Variants in CTNND2 observed in about 807,000 individuals in gnomAD.
CTNND2 encodes the protein catenin delta 2.
Under a neutral mutation model 144.4 loss-of-function variants are expected in CTNND2, and 22 were observed. The ratio of observed to expected loss-of-function variants is 0.15; its 90% CI spans 0.11 to 0.22. CTNND2 has a LOEUF of 0.22. Among genes scored for constraint, CTNND2 ranks in the 10% least tolerant of loss-of-function variants. The probability of loss-of-function intolerance (pLI) is 1.00; values close to 1 mark genes in which losing one functional copy is unlikely to be tolerated. For missense variants in CTNND2, 1,353 were observed against 1,618.8 expected (o/e 0.84, Z 2.82); for synonymous variants, 751 against 695.6 (o/e 1.08, Z -1.25).
chr5:11,582,525 A>T (rs983364218), intron 2 of CTNND2, among the ~76,000 whole-genome samples: 4 of 152,232 alleles, frequency 2.6e-5, no homozygotes, highest in Admixed American at 6.5e-5. Flanking sequence ...AGCATCAAGC[A>T]CAGTGAAGTA....
At chr5:11,122,875 A>G (rs1754285486) in intron 12 of CTNND2, among the ~76,000 whole-genome samples, 1 of 152,124 alleles carries the variant, frequency 6.6e-6, no homozygotes, top group Admixed American at 6.5e-5. Flanking sequence ...CCGGGGAGGC[A>G]GAAGACACCA....
intron 2 of CTNND2, among the ~76,000 whole-genome samples, chr5:11,730,978 C>T (rs1312243400): frequency 6.6e-6 from 1 of 152,106 alleles, no homozygotes; most frequent in East Asian, 1.9e-4. Context: ...CTTGGTGGTC[C>T]CTTTTTCCAT....
chr5:11,384,705 C>T lies in CTNND2; in HGVS notation c.1137G>A (p.Leu379=). The T allele has an allele frequency of 6.2e-7, 1 of 1,609,734 alleles. No homozygotes were observed. Among genetic ancestry groups the T allele is most frequent in the Non-Finnish European group, 8.5e-7 (1 of 1,179,124 alleles). Residue 379 remains leucine, a synonymous_variant, in exon 7 of 22, where the codon CTG becomes CTA. Transcript: ENST00000304623. The surrounding 1 kb of genome is among the most constrained non-coding windows in gnomAD (Gnocchi z 5.2). ...SEQYSKHSQE[L]YATATLQRPG... ...GCCTCTGGAGGGTGGCCGTGGCATA[C>T]AGCTCCTGCGAGTGCTTGCTGTACT...
chr5:11,134,491 T>C (rs550151334), intron 12 of CTNND2, among the ~76,000 whole-genome samples: 3 of 152,326 alleles, frequency 2.0e-5, no homozygotes, highest in Non-Finnish European at 2.9e-5. Context: ...TTGTGGTAAT[T>C]TGTTATGGTA....
At chr5:11,501,325 T>A (rs1034864645) in intron 3 of CTNND2, among the ~76,000 whole-genome samples, 1 of 152,166 alleles carries the variant, frequency 6.6e-6, no homozygotes, top group African/African-American at 2.4e-5. Flanking sequence ...CAGGATTATC[T>A]CTCTCCAGAT....
At position 11,364,643 on chromosome 5, in the gene CTNND2, C is replaced by T. The variant is rs146436334; in HGVS notation, c.1372+53G>A. ...TTTGGGAGTGTTATTGAAGCTCCCGCGCAGAGCCCACCCCCTGTGGACAGG... is the reference window on the plus strand; with the variant it reads ...TTTGGGAGTGTTATTGAAGCTCCCGTGCAGAGCCCACCCCCTGTGGACAGG... On this transcript the variant is annotated intron_variant, in intron 8 of 21. Coordinates refer to ENST00000304623, the MANE Select transcript of CTNND2 (RefSeq NM_001332.4). The T allele has an allele frequency of 7.9e-4, 1,161 of 1,473,268 alleles. 5 individuals carry two copies. Among genetic ancestry groups the T allele is most frequent in the Middle Eastern group, 1.5e-3 (6 of 4,088 alleles). 91.3% of individuals were successfully genotyped at this position (1,473,268 alleles called of 1,614,324 possible).
chr5:11,638,325 A>AT (rs1349368599), intron 2 of CTNND2, among the ~76,000 whole-genome samples: 2 of 152,138 alleles, frequency 1.3e-5, no homozygotes, highest in African/African-American at 2.4e-5. Context: ...ATGTTTGCCA[A>AT]TTTTTTACTT....
intron 2 of CTNND2, among the ~76,000 whole-genome samples, chr5:11,659,560 C>T (rs761194170): frequency 6.6e-6 from 1 of 152,008 alleles, no homozygotes; most frequent in African/African-American, 2.4e-5. Flanking sequence ...TGGCTCTATA[C>T]CCAGAACTAG....
At chr5:11,506,356 G>A (rs1281872840) in intron 3 of CTNND2, among the ~76,000 whole-genome samples, 1 of 152,104 alleles carries the variant, frequency 6.6e-6, no homozygotes, top group East Asian at 1.9e-4. Context: ...TAAAAAATAA[G>A]CAGTATATTG....
At chr5:11,204,356 C>T (rs954822146) in intron 10 of CTNND2, among the ~76,000 whole-genome samples, 8 of 152,102 alleles carry the variant, frequency 5.3e-5, no homozygotes, top group Non-Finnish European at 8.8e-5. Flanking sequence ...CCCTAAAATC[C>T]GCTGCTTTGA....
chr5:11,790,935 G>T (rs1359909291), intron 1 of CTNND2, among the ~76,000 whole-genome samples: 1 of 152,074 alleles, frequency 6.6e-6, no homozygotes, highest in Admixed American at 6.5e-5. Flanking sequence ...TGGGATTTTT[G>T]CAGACATAAC....
intron 2 of CTNND2, among the ~76,000 whole-genome samples, chr5:11,579,717 C>T (rs527572165): frequency 1.3e-5 from 2 of 152,264 alleles, no homozygotes; most frequent in Non-Finnish European, 2.9e-5. Flanking sequence ...AAAGTATAAC[C>T]TTAACATCTG....
chr5:11,684,978 C>T (rs896426507), intron 2 of CTNND2, among the ~76,000 whole-genome samples: 1 of 152,156 alleles, frequency 6.6e-6, no homozygotes, highest in African/African-American at 2.4e-5. Flanking sequence ...TAATCATTGC[C>T]GTGAAATCAT....
chr5:11,527,520 A>G (rs1773365798), intron 3 of CTNND2, among the ~76,000 whole-genome samples: 1 of 151,102 alleles, frequency 6.6e-6, no homozygotes. Context: ...AGGTCTCCCC[A>G]CCTTTGCTCC....
intron 9 of CTNND2, among the ~76,000 whole-genome samples, chr5:11,300,677 T>C (rs548321328): frequency 6.6e-6 from 1 of 152,260 alleles, no homozygotes; most frequent in South Asian, 2.1e-4. Flanking sequence ...GGAACTTATA[T>C]ACTTATACTA....
At chr5:11,515,819 GT>G (rs1429671594) in intron 3 of CTNND2, among the ~76,000 whole-genome samples, 4 of 152,122 alleles carry the variant, frequency 2.6e-5, no homozygotes, top group African/African-American at 4.8e-5. Context: ...TGAAAAATTT[GT>G]TAATAGTTCA....
chr5:11,622,275 T>G (rs540783411), intron 2 of CTNND2, among the ~76,000 whole-genome samples: 1 of 152,280 alleles, frequency 6.6e-6, no homozygotes, highest in African/African-American at 2.4e-5. Context: ...AAGCTAAGAT[T>G]TAATTTAAAT....
At chr5:11,868,984 T>C (rs996883598) in intron 1 of CTNND2, among the ~76,000 whole-genome samples, 2 of 152,076 alleles carry the variant, frequency 1.3e-5, no homozygotes, top group African/African-American at 4.8e-5. Context: ...AAATGGCCAA[T>C]ATGCACAAGA....
chr5:11,607,206 A>G (rs572127342), intron 2 of CTNND2, among the ~76,000 whole-genome samples: 2 of 152,260 alleles, frequency 1.3e-5, no homozygotes, highest in Non-Finnish European at 2.9e-5. Context: ...TTGATCTTGG[A>G]CTTCTGGCCT....
Sources: gnomAD v4.1 joint callset for allele counts (sites outside exome capture counted in the v4.1 genomes callset) on GRCh38, gnomAD v4.1.1 for gene constraint, Gnocchi (gnomAD v3.1) non-coding constraint, MANE v1.5 for transcripts, NCBI Gene and HGNC (gene_info 2026-07-23, HGNC 2026-07-21) for gene names.